Variants in SDR16C5 observed in about 807,000 individuals in gnomAD.
The protein encoded by SDR16C5 is short chain dehydrogenase/reductase family 16C member 5.
In SDR16C5, 20 loss-of-function variants were observed where a neutral mutation model predicts 27.7. The observed-to-expected ratio is 0.72, with a 90% CI of 0.51 to 1.05. The LOEUF (loss-of-function observed/expected upper bound fraction) is 1.05. Ranked by LOEUF, SDR16C5 falls within the 50% of genes least tolerant of loss-of-function variation. The pLI is 0.00. For synonymous variants in SDR16C5, 139 were observed against 132.3 expected (o/e 1.05, Z -0.35); for missense variants, 374 against 366.3 (o/e 1.02, Z -0.17).
chr8:56,319,208 T>C (rs1815272168), intron 1 of SDR16C5, among the ~76,000 whole-genome samples: 1 of 151,004 alleles, frequency 6.6e-6, no homozygotes, highest in Admixed American at 6.6e-5. Flanking sequence ...AGAGGAGCTG[T>C]TTGGATTTCA....
chr8:56,302,659 C>A, intron 6 of SDR16C5, among the ~76,000 whole-genome samples: 1 of 139,044 alleles, frequency 7.2e-6, no homozygotes, highest in African/African-American at 2.7e-5. Context: ...GGCAACAGAG[C>A]AAGAGTCCAT....
At chr8:56,312,762 T>G (rs1007750029) in intron 2 of SDR16C5, among the ~76,000 whole-genome samples, 1 of 131,170 alleles carries the variant, frequency 7.6e-6, no homozygotes, top group African/African-American at 2.9e-5. Flanking sequence ...GAGTCTACAA[T>G]GCACCACACA....
intron 6 of SDR16C5, among the ~76,000 whole-genome samples, chr8:56,304,854 C>T (rs1187482719): frequency 1.3e-5 from 2 of 152,084 alleles, no homozygotes; most frequent in Non-Finnish European, 2.9e-5. Flanking sequence ...ATACCAGCCT[C>T]AAACTCCTGG....
intron 6 of SDR16C5, among the ~76,000 whole-genome samples, chr8:56,303,327 A>G: frequency 6.6e-6 from 1 of 151,820 alleles, no homozygotes; most frequent in African/African-American, 2.4e-5. Context: ...AAAAAAAAAA[A>G]AAGAAAAAAA....
chr8:56,315,739 TTTC>T (rs1815176089), intron 2 of SDR16C5, among the ~76,000 whole-genome samples: 1 of 152,170 alleles, frequency 6.6e-6, no homozygotes, highest in African/African-American at 2.4e-5. Context: ...ACTAACTGTG[TTTC>T]TTAGGGCAGC....
chr8:56,303,338 A>G (rs1814807644), intron 6 of SDR16C5, among the ~76,000 whole-genome samples: 1 of 151,926 alleles, frequency 6.6e-6, no homozygotes, highest in Non-Finnish European at 1.5e-5. Context: ...AAGAAAAAAA[A>G]AAGTAAAACT....
chr8:56,307,708 A>G (rs886158737), intron 4 of SDR16C5, among the ~76,000 whole-genome samples: 4 of 152,220 alleles, frequency 2.6e-5, no homozygotes, highest in Non-Finnish European at 5.9e-5. Context: ...CATTGGAGTC[A>G]TCAGGTATAA....
intron 1 of SDR16C5, among the ~76,000 whole-genome samples, chr8:56,318,652 A>G (rs776537356): frequency 6.6e-6 from 1 of 152,226 alleles, no homozygotes; most frequent in Non-Finnish European, 1.5e-5. Context: ...AGCAGTGGCC[A>G]GAAGTCTCAA....
chr8:56,310,716 CAA>C (rs869062505), intron 3 of SDR16C5, among the ~76,000 whole-genome samples: 8 of 68,298 alleles, frequency 1.2e-4, no homozygotes, highest in Middle Eastern at 0.01. Context: ...TACTCTATCT[CAA>C]AAAAAAAAAA....
Position 56,316,010 on chromosome 8 carries a change from G to A in SDR16C5, c.333+5C>T, listed in dbSNP as rs1163221442. 4 of 1,600,600 alleles carry A rather than the reference G, an allele frequency of 2.5e-6. No homozygotes were observed. Among genetic ancestry groups the A allele is most frequent in the Non-Finnish European group, 3.4e-6 (4 of 1,168,684 alleles). ...AAATTATAATAGTAAACACACAAGAGTTACCTGGTCGGCTACTCTATACAC... is the reference window on the plus strand; with the variant it reads ...AAATTATAATAGTAAACACACAAGAATTACCTGGTCGGCTACTCTATACAC... On this transcript the variant is annotated splice_donor_5th_base_variant and intron_variant, in intron 2 of 6. Coordinates refer to ENST00000303749, the MANE Select transcript of SDR16C5 (RefSeq NM_138969.4).
At chr8:56,309,287 C>T (rs956503599) in intron 3 of SDR16C5, 48 of 982,662 alleles carry the variant, frequency 4.9e-5, no homozygotes, top group East Asian at 1.1e-4. Context: ...TGACTTTTAA[C>T]GACACAATAT....
At chr8:56,312,705 A>G (rs1815079220) in intron 2 of SDR16C5, among the ~76,000 whole-genome samples, 1 of 152,026 alleles carries the variant, frequency 6.6e-6, no homozygotes, top group Admixed American at 6.6e-5. Context: ...ACTGCATCTA[A>G]AAAAATAAAT....
At chr8:56,306,247 T>C (rs1814877946) in intron 5 of SDR16C5, among the ~76,000 whole-genome samples, 5 of 152,204 alleles carry the variant, frequency 3.3e-5, no homozygotes, top group Admixed American at 3.3e-4. Context: ...CTTGGACTTC[T>C]AGCCTCCAGA....
intron 2 of SDR16C5, among the ~76,000 whole-genome samples, chr8:56,315,682 T>C (rs1305367140): frequency 2.6e-5 from 4 of 152,164 alleles, no homozygotes; most frequent in African/African-American, 7.2e-5. Flanking sequence ...TAGAAGCAGG[T>C]ACTCAGGTGT....
At chr8:56,302,684 A>T (rs1814787841) in intron 6 of SDR16C5, among the ~76,000 whole-genome samples, 1 of 151,728 alleles carries the variant, frequency 6.6e-6, no homozygotes, top group South Asian at 2.1e-4. Flanking sequence ...AAAAAAAAAA[A>T]AAAAATTAAA....
intron 2 of SDR16C5, 112 bp from the exon 3 acceptor site, chr8:56,312,400 T>C (rs1282210888): frequency 4.1e-6 from 4 of 981,962 alleles, no homozygotes; most frequent in African/African-American, 3.2e-5. Context: ...ACTGAGTTTA[T>C]GCACTCTAAA....
chr8:56,314,927 A>C (rs1257220435), intron 2 of SDR16C5, among the ~76,000 whole-genome samples: 2 of 152,152 alleles, frequency 1.3e-5, no homozygotes, highest in Non-Finnish European at 2.9e-5. Context: ...TGATGAGTGA[A>C]GTACTCAAGC....
intron 4 of SDR16C5, among the ~76,000 whole-genome samples, chr8:56,308,395 G>T (rs1585911653): frequency 6.6e-6 from 1 of 152,128 alleles, no homozygotes; most frequent in South Asian, 2.1e-4. Flanking sequence ...GGATCTCTTT[G>T]CCCTCTCCCC....
At chr8:56,306,852 C>G (rs375721035) in intron 4 of SDR16C5, 32 bp from the exon 5 acceptor site, 2 of 1,588,870 alleles carry the variant, frequency 1.3e-6, no homozygotes, top group African/African-American at 2.7e-5. Context: ...AACGTATATT[C>G]CAAAGTTTTA....
Sources: gnomAD v4.1 joint callset for allele counts (sites outside exome capture counted in the v4.1 genomes callset) on GRCh38, gnomAD v4.1.1 for gene constraint, MANE v1.5 for transcripts, NCBI Gene and HGNC (gene_info 2026-07-23, HGNC 2026-07-21) for gene names.